The following PRELID3A variants were observed in gnomAD, a reference collection of about 807,000 sequenced individuals.
PRELID3A encodes PRELI domain containing 3A.
In PRELID3A, 27 loss-of-function variants were observed where a neutral mutation model predicts 23.0. The ratio of observed to expected loss-of-function variants is 1.17; its 90% CI spans 0.87 to 1.62. The LOEUF (loss-of-function observed/expected upper bound fraction) is 1.62. Ranked by LOEUF, PRELID3A falls within the 40% of genes most tolerant of loss-of-function variation. The pLI is 0.00. For synonymous variants in PRELID3A, 87 were observed against 86.4 expected (o/e 1.01, Z -0.04); for missense variants, 231 against 231.4 (o/e 1.00, Z 0.01).
At chr18:12,420,960 G>A (rs1410202234) in intron 2 of PRELID3A, among the ~76,000 whole-genome samples, 1 of 152,146 alleles carries the variant, frequency 6.6e-6, no homozygotes, top group Non-Finnish European at 1.5e-5. Flanking sequence ...CTAAAGCCCA[G>A]CGTCCGCAGC....
At chr18:12,423,870 G>C (rs1333208498) in intron 3 of PRELID3A, among the ~76,000 whole-genome samples, 1 of 152,230 alleles carries the variant, frequency 6.6e-6, no homozygotes, top group Non-Finnish European at 1.5e-5. Context: ...GCCCCAACCA[G>C]AGGGCCTCGG....
chr18:12,416,428 C>A (rs1285212527), intron 1 of PRELID3A, among the ~76,000 whole-genome samples: 1 of 152,160 alleles, frequency 6.6e-6, no homozygotes, highest in South Asian at 2.1e-4. Flanking sequence ...CCTGCCTCAA[C>A]CTCAGCCTCC....
At chr18:12,419,661 C>T (rs1410923615) in intron 1 of PRELID3A, among the ~76,000 whole-genome samples, 1 of 150,890 alleles carries the variant, frequency 6.6e-6, no homozygotes, top group South Asian at 2.1e-4. Flanking sequence ...AAAGTTAGGC[C>T]GGGCGTGGTG....
At chr18:12,411,186 T>TA (rs35171241) in intron 1 of PRELID3A, among the ~76,000 whole-genome samples, 56,015 of 151,068 alleles carry the variant, frequency 0.37, 11,585 homozygotes, top group Middle Eastern at 0.56. Context: ...TAAATAAAAT[T>TA]AAAAGTATAT....
chr18:12,421,691 T>C (rs1380884575), intron 3 of PRELID3A, 62 bp downstream of exon 3: 15 of 1,068,914 alleles, frequency 1.4e-5, no homozygotes, highest in Admixed American at 1.1e-4. Flanking sequence ...GCGTAAGGCC[T>C]TCGTTTAATT....
intron 6 of PRELID3A, 80 bp downstream of exon 6, chr18:12,429,516 C>A (rs544775178): frequency 4.5e-6 from 4 of 889,442 alleles, no homozygotes; most frequent in Non-Finnish European, 7.1e-6. Flanking sequence ...GGTGAGGGGA[C>A]GCCAGAAGTA....
intron 1 of PRELID3A, among the ~76,000 whole-genome samples, chr18:12,413,107 A>G (rs529037349): frequency 1.3e-5 from 2 of 152,308 alleles, no homozygotes; most frequent in Non-Finnish European, 2.9e-5. Flanking sequence ...AATTATGGCT[A>G]TTCTTTCCTG....
chr18:12,420,548 C>G, intron 2 of PRELID3A, 55 bp downstream of exon 2: 5 of 1,433,074 alleles, frequency 3.5e-6, no homozygotes, highest in Non-Finnish European at 4.6e-6. Flanking sequence ...CACTCCCGCC[C>G]CCGCCCTCTC....
intron 3 of PRELID3A, among the ~76,000 whole-genome samples, chr18:12,425,855 A>G (rs534423033): frequency 3.1e-4 from 47 of 151,538 alleles, no homozygotes; most frequent in African/African-American, 1.1e-3. Context: ...TGAGAGGATC[A>G]CTTGAGACCT....
At chr18:12,412,744 A>G (rs1162479628) in intron 1 of PRELID3A, among the ~76,000 whole-genome samples, 1 of 152,210 alleles carries the variant, frequency 6.6e-6, no homozygotes, top group Non-Finnish European at 1.5e-5. Context: ...GATTTAGCAA[A>G]ACCCTAAACA....
At chr18:12,423,994 G>T (rs1313647723) in intron 3 of PRELID3A, among the ~76,000 whole-genome samples, 2 of 152,186 alleles carry the variant, frequency 1.3e-5, no homozygotes, top group African/African-American at 4.8e-5. Flanking sequence ...GGCAGTGGGT[G>T]CATCCCTGTG....
intron 1 of PRELID3A, among the ~76,000 whole-genome samples, chr18:12,409,159 GTTT>G (rs71371255): frequency 1.8e-4 from 12 of 66,472 alleles, no homozygotes; most frequent in South Asian, 7.2e-4. Context: ...CCCAGGCTGG[GTTT>G]TTTTTTTTTT....
intron 3 of PRELID3A, among the ~76,000 whole-genome samples, chr18:12,422,592 C>T (rs1015149604): frequency 6.6e-6 from 1 of 151,850 alleles, no homozygotes; most frequent in Non-Finnish European, 1.5e-5. Context: ...CTCCTGACCT[C>T]GTGATCCACC....
chr18:12,419,219 G>A (rs1334828340), intron 1 of PRELID3A, among the ~76,000 whole-genome samples: 2 of 151,706 alleles, frequency 1.3e-5, no homozygotes, highest in African/African-American at 4.8e-5. Flanking sequence ...CCAGCTACTA[G>A]GGAGGCTGAG....
intron 3 of PRELID3A, among the ~76,000 whole-genome samples, chr18:12,426,271 T>C (rs2030360119): frequency 7.0e-6 from 1 of 142,428 alleles, no homozygotes; most frequent in African/African-American, 2.7e-5. Context: ...AAAGAAAATA[T>C]AGGCCGGGTG....
chr18:12,429,175 C>G (rs1289306500), intron 5 of PRELID3A, among the ~76,000 whole-genome samples, 175 bp from the exon 6 acceptor site: 1 of 152,194 alleles, frequency 6.6e-6, no homozygotes, highest in East Asian at 1.9e-4. Flanking sequence ...TTCCTTCCCC[C>G]TTCTGAGCTG....
chr18:12,416,162 G>C (rs565125118), intron 1 of PRELID3A, among the ~76,000 whole-genome samples: 1 of 152,318 alleles, frequency 6.6e-6, no homozygotes, highest in South Asian at 2.1e-4. Context: ...TGCCATTAGT[G>C]CCTGTGCCAG....
intron 3 of PRELID3A, among the ~76,000 whole-genome samples, chr18:12,422,541 TA>T (rs1336653714): frequency 3.3e-5 from 5 of 151,972 alleles, no homozygotes; most frequent in Non-Finnish European, 4.4e-5. Context: ...GTATTTTTAG[TA>T]AACAGGAGGT....
chr18:12,416,789 A>G (rs541672670), intron 1 of PRELID3A, among the ~76,000 whole-genome samples: 15 of 150,702 alleles, frequency 1.0e-4, no homozygotes, highest in East Asian at 7.9e-4. Context: ...GGGACTACAG[A>G]CGCCTGCCAC....
Sources: allele counts gnomAD v4.1 joint callset (sites outside exome capture counted in the v4.1 genomes callset), GRCh38; gene constraint gnomAD v4.1.1; transcripts MANE v1.5; gene names NCBI Gene and HGNC (gene_info 2026-07-23, HGNC 2026-07-21).